NPTX1: variants seen among roughly 807,000 people sequenced by gnomAD.
The protein encoded by NPTX1 is neuronal pentraxin-1.
A neutral mutation model predicts 38.7 loss-of-function variants in NPTX1; 12 were observed. The observed-to-expected ratio is 0.31, with a 90% CI of 0.20 to 0.50. The LOEUF (loss-of-function observed/expected upper bound fraction) is 0.50, where lower values mean the gene tolerates loss of function less well. Ranked by LOEUF, NPTX1 falls within the 20% of genes least tolerant of loss-of-function variation. NPTX1 has a pLI of 0.98. For missense variants in NPTX1, 454 were observed against 592.2 expected (o/e 0.77, Z 2.42); for synonymous variants, 272 against 264.9 (o/e 1.03, Z -0.26).
At chr17:80,473,083 A>G in intron 3 of NPTX1, 117 bp downstream of exon 3, 6 of 1,220,838 alleles carry the variant, frequency 4.9e-6, no homozygotes, top group Non-Finnish European at 6.8e-6. Context: ...CCTGGCAAAC[A>G]CTTTCCTTGG....
chr17:80,475,114 G>A lies in NPTX1; in HGVS notation c.652+397C>T, dbSNP rs540597526. Among the ~76,000 whole-genome samples, 1 of 152,346 alleles carries A rather than the reference G, an allele frequency of 6.6e-6. No homozygotes were observed. The highest frequency in any genetic ancestry group is 2.1e-4 in the South Asian group (1 of 4,832). On this transcript the variant is annotated intron_variant, in intron 2 of 4. Transcript: ENST00000306773. The surrounding 1 kb of genome is among the most constrained non-coding windows in gnomAD (Gnocchi z 6.5). Reference sequence around the variant, plus strand: ...GCCCAGCCCCAGCCTGCACCCAGCTGTACGCTGAGGCTGGGGACCAGGGAG... The same window carrying A: ...GCCCAGCCCCAGCCTGCACCCAGCTATACGCTGAGGCTGGGGACCAGGGAG...
intron 3 of NPTX1, among the ~76,000 whole-genome samples, chr17:80,472,442 A>G (rs2083847598): frequency 6.6e-6 from 1 of 152,160 alleles, no homozygotes; most frequent in Admixed American, 6.5e-5. Flanking sequence ...TCCAACCTGG[A>G]ATTTCACTCT....
At position 80,470,626 on chromosome 17, in the gene NPTX1, A is replaced by G; in HGVS notation, c.*187T>C. The G allele has an allele frequency of 1.8e-6, 1 of 545,528 alleles. No individual in the cohort carries two copies. Among genetic ancestry groups the G allele is most frequent in the Non-Finnish European group, 3.3e-6 (1 of 304,234 alleles). The allele number at this position is 545,528 out of a possible 1,614,324, so 33.8% of individuals were successfully genotyped here. On this transcript the variant is annotated 3_prime_UTR_variant, in exon 5 of 5. Coordinates refer to ENST00000306773, the MANE Select transcript of NPTX1 (RefSeq NM_002522.4). ...TCCTACAGAGAAGTGGGGCTTCCTC[A>G]GGGACAGATGGGAGCAGGGGCTGCT...
rs2083829539 is a variant in NPTX1 at position 80,469,929 on chromosome 17, G to A, written c.*884C>T. ...GCTGAAGCAGTGCAGCACAGCTCCA[G>A]AGGTGAGAAGGGAGGGGCAGACCCC... On this transcript the variant is annotated 3_prime_UTR_variant, in exon 5 of 5. Transcript: ENST00000306773. 6.6e-6 allele frequency: 1 copy of A among 152,356 alleles called. No individual in the cohort carries two copies. Among genetic ancestry groups the A allele is most frequent in the African/African-American group, 2.4e-5 (1 of 41,470 alleles). The allele number at this position is 152,356 out of a possible 1,614,324, so 9.4% of individuals were successfully genotyped here. A position where few individuals can be genotyped will look rare whatever the true frequency, so the allele number is the denominator to read the frequency against.
rs1195899420 is a variant in NPTX1 at position 80,468,864 on chromosome 17, C to T, written c.*1949G>A. Reference sequence around the variant, plus strand: ...GCAAGGAACACGCCACCCCGAGGAACATGCAAACGGAGAAGATCCCTGCAG... The same window carrying T: ...GCAAGGAACACGCCACCCCGAGGAATATGCAAACGGAGAAGATCCCTGCAG... On this transcript the variant is annotated 3_prime_UTR_variant, in exon 5 of 5. Transcript: ENST00000306773. The T allele has an allele frequency of 6.6e-6, 1 of 152,292 alleles. No individual in the cohort carries two copies. The highest frequency in any genetic ancestry group is 1.5e-5 in the Non-Finnish European group (1 of 68,086). The allele number at this position is 152,292 out of a possible 1,614,324, so 9.4% of individuals were successfully genotyped here.
In NPTX1 at chr17:80,467,684, A is replaced by C. The variant is rs550092640; in HGVS notation, c.*3129T>G. ...TAAACTGGGAATCTACAAAAGGAAA[A>C]GAAAGCATACAAAATGTATCTCTTT... On this transcript the variant is annotated 3_prime_UTR_variant, in exon 5 of 5. Transcript: ENST00000306773. 33 of 152,540 alleles carry C rather than the reference A, an allele frequency of 2.2e-4. No homozygotes were observed. Among genetic ancestry groups the C allele is most frequent in the African/African-American group, 7.9e-4 (33 of 41,588 alleles). The allele number at this position is 152,540 out of a possible 1,614,324, so 9.4% of individuals were successfully genotyped here.
At chr17:80,471,681 G>A (rs1296196862) in intron 4 of NPTX1, 51 bp downstream of exon 4, 3 of 1,567,722 alleles carry the variant, frequency 1.9e-6, no homozygotes, top group Non-Finnish European at 1.7e-6. Context: ...CCCCTTCCCA[G>A]CCTCTGGTTC....
chr17:80,470,763 C>CCGCA lies in NPTX1; in HGVS notation c.*46_*49dup, dbSNP rs2083836407. On this transcript the variant is annotated 3_prime_UTR_variant, in exon 5 of 5. Transcript: ENST00000306773. ...AAGAGACGCACAAAACAGATCATCG[C>CCGCA]CGCACAAGCAGGGGGCGAGGGCGGG... 7.8e-7 allele frequency: 1 copy of CCGCA among 1,276,938 alleles called. No individual in the cohort carries two copies. Among genetic ancestry groups the CCGCA allele is most frequent in the Non-Finnish European group, 1.1e-6 (1 of 906,164 alleles). 79.1% of individuals were successfully genotyped at this position (1,276,938 alleles called of 1,614,324 possible).
chr17:80,476,339 G>A lies in NPTX1; in HGVS notation c.108C>T (p.Pro36=). The A allele has an allele frequency of 6.5e-7, 1 of 1,537,908 alleles. No homozygotes were observed. The highest frequency in any genetic ancestry group is 2.5e-5 in the East Asian group (1 of 40,742). ...GPTRFICTSV[P]VDADMCAASV... The stretch of plus-strand genomic sequence containing the variant: ...ACGCGGCGCACATGTCGGCGTCCAC[G>A]GGCACCGAGGTGCAGATGAAGCGCG... Residue 36 remains proline (P), a synonymous_variant, in exon 1 of 5, where the codon CCC becomes CCT. Coordinates refer to ENST00000306773, the MANE Select transcript of NPTX1 (RefSeq NM_002522.4). The surrounding 1 kb of genome is among the most constrained non-coding windows in gnomAD (Gnocchi z 6.3).
At position 80,469,762 on chromosome 17, in the gene NPTX1, T is replaced by C. The variant is rs528902044; in HGVS notation, c.*1051A>G. 6.6e-6 allele frequency: 1 copy of C among 152,316 alleles called. No individual in the cohort carries two copies. The highest frequency in any genetic ancestry group is 1.9e-4 in the East Asian group (1 of 5,198). 9.4% of individuals were successfully genotyped at this position (152,316 alleles called of 1,614,324 possible). ...CTGGGTTGAAGTCCCAGTGGCCCCA[T>C]GTGGCCAGGTCTTCATCGAAACACG... On this transcript the variant is annotated 3_prime_UTR_variant, in exon 5 of 5. Coordinates refer to ENST00000306773, the MANE Select transcript of NPTX1 (RefSeq NM_002522.4).
At position 80,466,947 on chromosome 17, in the gene NPTX1, G is replaced by A. The variant is rs568341008; in HGVS notation, c.*3866C>T. ...TACCAGTAGAAATAGTGCATTTCCA[G>A]AATTGCTGATGGGAGGTGGCAGGTC... On this transcript the variant is annotated 3_prime_UTR_variant, in exon 5 of 5. Coordinates refer to ENST00000306773, the MANE Select transcript of NPTX1 (RefSeq NM_002522.4). 1.3e-5 allele frequency among the ~76,000 whole-genome samples: 2 copies of A among 149,484 alleles called. No homozygotes were observed. The highest frequency in any genetic ancestry group is 4.9e-5 in the African/African-American group (2 of 40,728).
At position 80,475,491 on chromosome 17, in the gene NPTX1, G is replaced by C. The variant is rs900122338; in HGVS notation, c.652+20C>G. 1 of 1,582,800 alleles carries C rather than the reference G, an allele frequency of 6.3e-7. No homozygotes were observed. The highest frequency in any genetic ancestry group is 1.3e-5 in the African/African-American group (1 of 74,578). ...CAAGCAGGTGCAGGCAGGCAGCACG[G>C]CTCCCCCTGGCCCCAGTACCTTTCT... On this transcript the variant is annotated intron_variant, in intron 2 of 4. Transcript: ENST00000306773. The surrounding 1 kb of genome is among the most constrained non-coding windows in gnomAD (Gnocchi z 6.5).
intron 3 of NPTX1, among the ~76,000 whole-genome samples, chr17:80,472,310 CCT>C (rs1466974032): frequency 6.6e-6 from 1 of 151,956 alleles, no homozygotes; most frequent in African/African-American, 2.4e-5. Context: ...GCTGGCCTCT[CCT>C]CTCTCTTCCG....
At chr17:80,473,076 G>A in intron 3 of NPTX1, 124 bp downstream of exon 3, 1 of 1,071,810 alleles carries the variant, frequency 9.3e-7, no homozygotes, top group South Asian at 1.5e-5. Flanking sequence ...AGTCCCACCT[G>A]GCAAACACTT....
intron 2 of NPTX1, chr17:80,473,837 G>A (rs28687084): frequency 0.017 from 4,109 of 238,730 alleles, 174 homozygotes; most frequent in African/African-American, 0.087. Flanking sequence ...GAGGAACGAG[G>A]CTAGCTACCC....
At chr17:80,473,756 G>C (rs891077329) in intron 2 of NPTX1, 2 of 385,398 alleles carry the variant, frequency 5.2e-6, no homozygotes, top group African/African-American at 4.1e-5. Flanking sequence ...TGGGCTGCGT[G>C]GTGGGCATGA....
In NPTX1 at chr17:80,475,459, G is replaced by A; in HGVS notation, c.652+52C>T. The A allele has an allele frequency of 1.3e-6, 2 of 1,496,376 alleles. No homozygotes were observed. Among genetic ancestry groups the A allele is most frequent in the South Asian group, 2.4e-5 (2 of 84,194 alleles). 92.7% of individuals were successfully genotyped at this position (1,496,376 alleles called of 1,614,324 possible). ...CTGTTAGGGATCGGGACCGAGGCAG[G>A]GTCGGGCAAGCAGGTGCAGGCAGGC... On this transcript the variant is annotated intron_variant, in intron 2 of 4. Transcript: ENST00000306773. This position sits in a 1 kb window ranked among gnomAD's most constrained non-coding sequence, Gnocchi z 6.5.
intron 3 of NPTX1, 151 bp from the exon 4 acceptor site, chr17:80,472,062 T>C: frequency 1.3e-6 from 1 of 797,232 alleles, no homozygotes; most frequent in Non-Finnish European, 1.9e-6. Flanking sequence ...TGCCCCAGAC[T>C]TCAGCGTCTG....
chr17:80,473,915 C>T (rs918369911), intron 2 of NPTX1: 1 of 169,896 alleles, frequency 5.9e-6, no homozygotes, highest in Non-Finnish European at 1.3e-5. Context: ...ATCCCAGGCT[C>T]TGCTCCTGCC....
Sources: allele counts gnomAD v4.1 joint callset (sites outside exome capture counted in the v4.1 genomes callset), GRCh38; gene constraint gnomAD v4.1.1; non-coding constraint Gnocchi (gnomAD v3.1); transcripts MANE v1.5; gene names NCBI Gene and HGNC (gene_info 2026-07-23, HGNC 2026-07-21).